Variants in ADAM23 observed in about 807,000 individuals in gnomAD.
ADAM23 encodes disintegrin and metalloproteinase domain-containing protein 23.
ADAM23 carries 33 observed loss-of-function variants against 120.1 expected under a neutral mutation model. That is an observed-to-expected ratio of 0.27 (90% CI 0.21 to 0.37). The LOEUF (loss-of-function observed/expected upper bound fraction) is 0.37, where lower values mean the gene tolerates loss of function less well. Ranked by LOEUF, ADAM23 falls within the 10% of genes least tolerant of loss-of-function variation. ADAM23 has a pLI of 1.00. For missense variants in ADAM23, 862 were observed against 1,058.2 expected, an observed-to-expected ratio of 0.81 and a Z score of 2.57; for synonymous variants, 367 against 375.2, an observed-to-expected ratio of 0.98 and a Z score of 0.25.
At chr2:206,481,184 A>T (rs1188389103) in intron 2 of ADAM23, 48 bp from the exon 3 acceptor site, 3 of 1,441,582 alleles carry the variant, frequency 2.1e-6, no homozygotes, top group Non-Finnish European at 2.9e-6. Context: ...AATCTGTCTT[A>T]AAGACAGGAA....
At position 206,618,498 on chromosome 2, in the gene ADAM23, T is replaced by C. The variant is rs1413213629; in HGVS notation, c.*871T>C. 24 of 152,240 alleles carry C rather than the reference T, an allele frequency of 1.6e-4. No individual in the cohort carries two copies. The highest frequency in any genetic ancestry group is 1.6e-3 in the Admixed American group (24 of 15,282). 9.4% of individuals were successfully genotyped at this position (152,240 alleles called of 1,614,324 possible). On this transcript the variant is annotated 3_prime_UTR_variant, in exon 26 of 26. Coordinates refer to ENST00000264377, the MANE Select transcript of ADAM23 (RefSeq NM_003812.4). ...CTTGTCTGTATTGAGATATTTTCCT[T>C]GTAAAGGTTCTCTGTAAACTTGAGT... is the stretch of plus-strand genomic sequence containing the variant.
chr2:206,565,199 A>C, intron 14 of ADAM23, 131 bp downstream of exon 14: 1 of 747,040 alleles, frequency 1.3e-6, no homozygotes, highest in African/African-American at 1.8e-5. Flanking sequence ...TAATTGTCTG[A>C]TATTTTTAAA....
In ADAM23 at chr2:206,445,453, A is replaced by C. The variant is rs149165152; in HGVS notation, c.361A>C (p.Ile121Leu). 1,295 of 1,614,188 alleles carry C rather than the reference A, an allele frequency of 8.0e-4. 1 individual carries two copies. Among genetic ancestry groups the C allele is most frequent in the Non-Finnish European group, 1.1e-3 (1,240 of 1,180,024 alleles). The change falls in exon 2 of 26, where the codon ATC becomes CTC. Residue 121 changes from isoleucine to leucine, a missense_variant. Ile to Leu is a conservative substitution (Grantham distance 5). Around this residue, in one of 4 missense-constraint regions of ADAM23, gnomAD observed 225 missense variants for 204.0 expected, o/e 1.10. Transcript: ENST00000264377. ...ACTGCCTTCAAGACTCATATATTACATCAACCAAGACTCGGAAAGCCCTTA... is the reference window on the plus strand; with the variant it reads ...ACTGCCTTCAAGACTCATATATTACCTCAACCAAGACTCGGAAAGCCCTTA... ...ITLPSRLIYY[I>L]NQDSESPYHV...
intron 3 of ADAM23, among the ~76,000 whole-genome samples, chr2:206,514,538 G>C (rs1421535252): frequency 2.6e-5 from 4 of 152,178 alleles, no homozygotes; most frequent in Admixed American, 2.6e-4. Context: ...GGAATCTACT[G>C]CTGGTGAAGT....
intron 3 of ADAM23, among the ~76,000 whole-genome samples, chr2:206,510,726 T>A (rs1559241045): frequency 6.6e-6 from 1 of 152,194 alleles, no homozygotes; most frequent in Non-Finnish European, 1.5e-5. Flanking sequence ...AATCATACTT[T>A]CCCTGGGACT....
At chr2:206,493,637 G>A (rs989690460) in intron 3 of ADAM23, among the ~76,000 whole-genome samples, 9 of 152,242 alleles carry the variant, frequency 5.9e-5, no homozygotes, top group Admixed American at 4.6e-4. Flanking sequence ...CCTCCCAAGT[G>A]CTGGGATTAC....
rs760732459 is a variant in ADAM23 at position 206,596,070 on chromosome 2, C to G, written c.2267C>G (p.Thr756Ser). 2.7e-5 allele frequency: 43 copies of G among 1,613,770 alleles called. No individual in the cohort carries two copies. The Admixed American group carries it at 7.0e-4, about 26-fold the overall frequency. The change falls in exon 24 of 26, where the codon ACC (threonine) becomes AGC (serine). Residue 756 changes from threonine to serine, a missense_variant. Physicochemically the swap from Thr to Ser is moderately conservative, Grantham distance 58. This residue lies in a region of ADAM23 where 617 missense variants were observed against 813.5 expected (regional missense o/e 0.76). Coordinates refer to ENST00000264377, the MANE Select transcript of ADAM23 (RefSeq NM_003812.4). ...SGHGVCSNEA[T>S]CICDFTWAGT... ...TCACAGGTGTGTAGTAATGAAGCCA[C>G]CTGCATTTGTGATTTCACCTGGGCA...
chr2:206,511,999 G>GTTC (rs1054889004), intron 3 of ADAM23, among the ~76,000 whole-genome samples: 5 of 152,164 alleles, frequency 3.3e-5, no homozygotes, highest in African/African-American at 1.2e-4. Context: ...AACGAATGAG[G>GTTC]TTCTGTTAAC....
chr2:206,531,106 CAA>C (rs1472136976), intron 4 of ADAM23, among the ~76,000 whole-genome samples, 158 bp downstream of exon 4: 3 of 152,058 alleles, frequency 2.0e-5, no homozygotes, highest in African/African-American at 7.2e-5. Flanking sequence ...TTAAAATATA[CAA>C]ATGTTTGAGG....
rs758307823 is a variant in ADAM23, at chr2:206,589,483, G to A, written c.1927G>A (p.Asp643Asn). ...CACTGAGAAGGGAAACTGCGGGAAG[G>A]ATGGAGACCGGTGGATTCAGTGCAG... Reference protein sequence around the residue: ...EGTEKGNCGKDGDRWIQCSKH... With the variant: ...EGTEKGNCGKNGDRWIQCSKH... Residue 643 changes from aspartate to asparagine, a missense_variant, in exon 21 of 26, where the codon GAT becomes AAT. Physicochemically the swap from Asp to Asn is conservative, Grantham distance 23. Around this residue, in one of 4 missense-constraint regions of ADAM23, gnomAD observed 617 missense variants for 813.5 expected, o/e 0.76. Transcript: ENST00000264377. The A allele has an allele frequency of 7.4e-6, 12 of 1,613,830 alleles. No homozygotes were observed. Among genetic ancestry groups the A allele is most frequent in the Non-Finnish European group, 1.0e-5 (12 of 1,179,866 alleles).
intron 18 of ADAM23, among the ~76,000 whole-genome samples, chr2:206,579,010 C>T (rs1036091290): frequency 6.6e-6 from 1 of 152,080 alleles, no homozygotes; most frequent in African/African-American, 2.4e-5. Context: ...AGCATCTTTT[C>T]ATATGTTTGT....
Position 206,589,475 on chromosome 2 carries a change from G to A in ADAM23, c.1919G>A (p.Cys640Tyr). 2 of 1,613,894 alleles carry A rather than the reference G, an allele frequency of 1.2e-6. No homozygotes were observed. The highest frequency in any genetic ancestry group is 1.7e-6 in the Non-Finnish European group (2 of 1,179,904). The change falls in exon 21 of 26, where the codon TGC (cysteine) becomes TAC (tyrosine). Residue 640 changes from cysteine to tyrosine, a missense_variant. By Grantham distance (194) the Cys-to-Tyr change is radical (BLOSUM62 -2). Transcript: ENST00000264377. ...LNTEGTEKGN[C>Y]GKDGDRWIQC... ...ACAGAAGGCACTGAGAAGGGAAACT[G>A]CGGGAAGGATGGAGACCGGTGGATT...
At chr2:206,602,211 A>C (rs1309984590) in intron 24 of ADAM23, among the ~76,000 whole-genome samples, 1 of 152,198 alleles carries the variant, frequency 6.6e-6, no homozygotes, top group Non-Finnish European at 1.5e-5. Flanking sequence ...GGATATATCA[A>C]GTTTAAAAAT....
chr2:206,559,447 G>GTC (rs995462574), intron 10 of ADAM23, among the ~76,000 whole-genome samples: 18 of 151,976 alleles, frequency 1.2e-4, no homozygotes, highest in Admixed American at 1.0e-3. Context: ...AGATCCTTGA[G>GTC]TCTCTCTCTC....
chr2:206,588,660 G>A (rs1250022040), intron 20 of ADAM23, among the ~76,000 whole-genome samples: 6 of 152,148 alleles, frequency 3.9e-5, no homozygotes, highest in Admixed American at 1.3e-4. Context: ...AGTACATTCC[G>A]TAAAAGTTCA....
rs769353970 is a variant in ADAM23, at chr2:206,588,117, G to T, written c.1815G>T (p.Lys605Asn). ...GCCGCTGCTACAATGGCGAGTGCAA[G>T]ACCAGAGACAACCAGTGTCAGTACA... ...NQGRCYNGEC[K>N]TRDNQCQYIW... The change falls in exon 20 of 26, where the codon AAG (lysine) becomes AAT (asparagine). Residue 605 changes from lysine to asparagine, a missense_variant. Around this residue, in one of 4 missense-constraint regions of ADAM23, gnomAD observed 617 missense variants for 813.5 expected, o/e 0.76. Coordinates refer to ENST00000264377, the MANE Select transcript of ADAM23 (RefSeq NM_003812.4). 1 of 1,614,108 alleles carries T rather than the reference G, an allele frequency of 6.2e-7. No homozygotes were observed. Among genetic ancestry groups the T allele is most frequent in the South Asian group, 1.1e-5 (1 of 91,080 alleles).
At chr2:206,523,036 A>C (rs1696875791) in intron 3 of ADAM23, among the ~76,000 whole-genome samples, 1 of 152,156 alleles carries the variant, frequency 6.6e-6, no homozygotes, top group Non-Finnish European at 1.5e-5. Flanking sequence ...CCTCCTCAGA[A>C]GGGAACTCTC....
chr2:206,570,282 T>G (rs1697969839), intron 15 of ADAM23, among the ~76,000 whole-genome samples: 1 of 152,210 alleles, frequency 6.6e-6, no homozygotes, highest in African/African-American at 2.4e-5. Context: ...TTGCATTTAC[T>G]TGATTGTACA....
At chr2:206,476,619 C>T (rs1695781113) in intron 2 of ADAM23, among the ~76,000 whole-genome samples, 1 of 152,082 alleles carries the variant, frequency 6.6e-6, no homozygotes, top group African/African-American at 2.4e-5. Flanking sequence ...TGAAACCATC[C>T]CCCACTCCAC....
Sources: gnomAD v4.1 joint callset for allele counts (sites outside exome capture counted in the v4.1 genomes callset) on GRCh38, gnomAD v4.1.1 for gene constraint, gnomAD v4.1.1 regional missense constraint, MANE v1.5 for transcripts, NCBI Gene and HGNC (gene_info 2026-07-23, HGNC 2026-07-21) for gene names.